The following SLC13A4 variants were observed in gnomAD, a reference collection of about 807,000 sequenced individuals.
SLC13A4 encodes solute carrier family 13 member 4, also known as Na(+)/sulfate cotransporter SUT-1.
A neutral mutation model predicts 72.7 loss-of-function variants in SLC13A4; 28 were observed. That is an observed-to-expected ratio of 0.39 (90% CI 0.29 to 0.53). The LOEUF is 0.53. Ranked by LOEUF, SLC13A4 falls within the 20% of genes least tolerant of loss-of-function variation. The pLI is 0.78. For missense variants in SLC13A4, 653 were observed against 788.0 expected, an observed-to-expected ratio of 0.83 and a Z score of 2.05; for synonymous variants, 312 against 325.5, an observed-to-expected ratio of 0.96 and a Z score of 0.45.
At chr7:135,708,543 T>C (rs2129494883) in intron 2 of SLC13A4, among the ~76,000 whole-genome samples, 1 of 152,338 alleles carries the variant, frequency 6.6e-6, no homozygotes, top group Admixed American at 6.5e-5. Flanking sequence ...ATAAAACCAC[T>C]GTATTTAAAT....
intron 15 of SLC13A4, chr7:135,683,479 TC>T (rs1183791621): frequency 2.0e-5 from 20 of 976,084 alleles, no homozygotes; most frequent in African/African-American, 3.6e-5. Context: ...TTCCATCCTC[TC>T]CCCCCCCGCT....
At chr7:135,686,909 T>C (rs942484694) in intron 13 of SLC13A4, among the ~76,000 whole-genome samples, 2 of 151,936 alleles carry the variant, frequency 1.3e-5, no homozygotes, top group African/African-American at 2.4e-5. Flanking sequence ...ATACAAAAAT[T>C]AGCTAGGTGT....
rs1178162525 is a variant in SLC13A4, at chr7:135,706,291, G to A, written c.375C>T (p.Leu125=). ...GCAACGTGGTACAGCACATGAAGCAGAGCAGCAGCCTGGAAGGCAGGGAGG... is the reference window on the plus strand; with the variant it reads ...GCAACGTGGTACAGCACATGAAGCAAAGCAGCAGCCTGGAAGGCAGGGAGG... The part of the protein sequence containing the change: ...MAGAKPGMLL[L]CFMCCTTLLS... Residue 125 remains leucine, a synonymous_variant, in exon 4 of 16, where the codon CTC becomes CTT. Transcript: ENST00000682651. The A allele has an allele frequency of 3.7e-6, 6 of 1,603,430 alleles. No homozygotes were observed. The highest frequency in any genetic ancestry group is 4.3e-6 in the Non-Finnish European group (5 of 1,171,872).
intron 2 of SLC13A4, among the ~76,000 whole-genome samples, chr7:135,715,106 C>T (rs1480371900): frequency 1.3e-5 from 2 of 149,320 alleles, no homozygotes; most frequent in Non-Finnish European, 1.5e-5. Context: ...TGTGTGTGAG[C>T]GTGTATGAGT....
At chr7:135,708,346 T>C in intron 2 of SLC13A4, 96 bp from the exon 3 acceptor site, 1 of 1,525,804 alleles carries the variant, frequency 6.6e-7, no homozygotes, top group African/African-American at 1.4e-5. Flanking sequence ...TAAAACCTGT[T>C]CTCAATCAAA....
At chr7:135,689,301 T>C (rs150660279) in intron 13 of SLC13A4, among the ~76,000 whole-genome samples, 1 of 152,330 alleles carries the variant, frequency 6.6e-6, no homozygotes, top group African/African-American at 2.4e-5. Flanking sequence ...ATGAGAAATA[T>C]TGATGGCATA....
chr7:135,682,938 G>T (rs1406308312), intron 15 of SLC13A4, among the ~76,000 whole-genome samples: 1 of 152,118 alleles, frequency 6.6e-6, no homozygotes, highest in Non-Finnish European at 1.5e-5. Context: ...AGGGGAGAGG[G>T]ATGGCTGGGA....
chr7:135,683,639 T>C (rs1421593587), intron 15 of SLC13A4: 2 of 985,432 alleles, frequency 2.0e-6, no homozygotes, highest in Non-Finnish European at 2.4e-6. Flanking sequence ...CGCTTCATTT[T>C]CCATTGTTGC....
rs1008375630 is a variant in SLC13A4, at chr7:135,727,789, G to A, written c.-293C>T. On this transcript the variant is annotated 5_prime_UTR_variant, in exon 1 of 16. Coordinates refer to ENST00000682651, the MANE Select transcript of SLC13A4 (RefSeq NM_001318192.2). ...GGCATAGTGGGCCTCCTCTCGGCTT[G>A]ATTAGTAATAGAGTAACTTCATTCT... 2 of 384,242 alleles carry A rather than the reference G, an allele frequency of 5.2e-6. No individual in the cohort carries two copies. The highest frequency in any genetic ancestry group is 8.2e-5 in the Admixed American group (2 of 24,470). 23.8% of individuals were successfully genotyped at this position (384,242 alleles called of 1,614,324 possible).
intron 15 of SLC13A4, chr7:135,683,247 C>A: frequency 2.0e-6 from 1 of 489,774 alleles, no homozygotes; most frequent in South Asian, 9.0e-5. Context: ...TGCAGTGAGC[C>A]GAGATCGCAC....
intron 11 of SLC13A4, 38 bp downstream of exon 11, chr7:135,692,285 G>A: frequency 7.1e-7 from 1 of 1,406,706 alleles, no homozygotes; most frequent in Admixed American, 1.7e-5. Context: ...GAATTGGGGT[G>A]AGGGGGTTGT....
chr7:135,705,587 C>T lies in SLC13A4; in HGVS notation c.593+9G>A. The T allele has an allele frequency of 6.2e-7, 1 of 1,613,754 alleles. No homozygotes were observed. Among genetic ancestry groups the T allele is most frequent in the Non-Finnish European group, 8.5e-7 (1 of 1,179,716 alleles). ...GAGGCGCTGTCTGGGAGAGGGCAGT[C>T]ATACTCACTCTTCATTGACAAAGAT... On this transcript the variant is annotated intron_variant, in intron 5 of 15. Coordinates refer to ENST00000682651, the MANE Select transcript of SLC13A4 (RefSeq NM_001318192.2).
chr7:135,724,470 G>A (rs190250830), intron 1 of SLC13A4, among the ~76,000 whole-genome samples: 1 of 135,222 alleles, frequency 7.4e-6, no homozygotes, highest in Non-Finnish European at 1.5e-5. Flanking sequence ...GCACTCCAGA[G>A]CCTGAGTGAC....
intron 1 of SLC13A4, among the ~76,000 whole-genome samples, chr7:135,726,462 C>G (rs1334368170): frequency 1.3e-5 from 2 of 152,182 alleles, no homozygotes; most frequent in African/African-American, 4.8e-5. Flanking sequence ...AATTGCTCCC[C>G]CTCCTACAAA....
intron 12 of SLC13A4, 63 bp from the exon 13 acceptor site, chr7:135,691,388 G>A: frequency 7.1e-7 from 1 of 1,408,452 alleles, no homozygotes; most frequent in South Asian, 1.1e-5. Context: ...GGAGACAGGA[G>A]CCTAATTGGT....
intron 2 of SLC13A4, among the ~76,000 whole-genome samples, chr7:135,717,269 T>C (rs1476452583): frequency 6.6e-6 from 1 of 152,112 alleles, no homozygotes; most frequent in South Asian, 2.1e-4. Context: ...ATTCTTTTTT[T>C]CCCCCCTGGA....
At chr7:135,684,675 A>G (rs1795582063) in intron 14 of SLC13A4, among the ~76,000 whole-genome samples, 1 of 145,890 alleles carries the variant, frequency 6.9e-6, no homozygotes, top group Admixed American at 6.9e-5. Flanking sequence ...CCTAGGGAAG[A>G]TAATTGTTTT....
At position 135,699,299 on chromosome 7, in the gene SLC13A4, C is replaced by T. The variant is rs541146517; in HGVS notation, c.899+65G>A. ...CTCATTTTCTACCATATCTCTAGCA[C>T]CTAGTCCAGTTCCTGACACACAGTG... On this transcript the variant is annotated intron_variant, in intron 8 of 15. Coordinates refer to ENST00000682651, the MANE Select transcript of SLC13A4 (RefSeq NM_001318192.2). The T allele has an allele frequency of 2.5e-4, 358 of 1,436,758 alleles. 4 individuals carry two copies. The South Asian group carries it at 4.4e-3, about 18-fold the overall frequency. The allele number at this position is 1,436,758 out of a possible 1,614,324, so 89.0% of individuals were successfully genotyped here.
intron 1 of SLC13A4, among the ~76,000 whole-genome samples, chr7:135,724,541 GAA>G (rs5887741): frequency 2.8e-5 from 4 of 143,166 alleles, no homozygotes; most frequent in African/African-American, 7.8e-5. Flanking sequence ...GAGAGAGAGA[GAA>G]AGAAAGAGGA....
Sources: allele counts gnomAD v4.1 joint callset (sites outside exome capture counted in the v4.1 genomes callset), GRCh38; gene constraint gnomAD v4.1.1; transcripts MANE v1.5; gene names NCBI Gene and HGNC (gene_info 2026-07-23, HGNC 2026-07-21).